AKT3: variants seen among roughly 807,000 people sequenced by gnomAD.
AKT3 encodes RAC-gamma serine/threonine-protein kinase.
A neutral mutation model predicts 65.3 loss-of-function variants in AKT3; 15 were observed. The observed-to-expected ratio is 0.23, with a 90% CI of 0.15 to 0.35. The LOEUF is 0.35. Ranked by LOEUF, AKT3 falls within the 10% of genes least tolerant of loss-of-function variation. The probability of loss-of-function intolerance (pLI) is 1.00; values close to 1 mark genes in which losing one functional copy is unlikely to be tolerated. For missense variants in AKT3, 243 were observed against 576.5 expected (o/e 0.42, Z 5.92); for synonymous variants, 206 against 183.8 (o/e 1.12, Z -0.98).
rs889098939 is a variant in AKT3, at chr1:243,532,086, C to A, written c.1251+13424G>T. 2.6e-5 allele frequency among the ~76,000 whole-genome samples: 4 copies of A among 152,128 alleles called. No individual in the cohort carries two copies. In the South Asian group the frequency reaches 8.3e-4, roughly 32 times the overall value. On this transcript the variant is annotated intron_variant, in intron 12 of 13. Transcript: ENST00000673466. The stretch of plus-strand genomic sequence containing the variant: ...TAGGGGTAGTTTTATTTCTTCCTTG[C>A]AAATTTGATTGCTTTTTATTTCTCT...
At chr1:243,734,782 TA>T (rs1414088533) in intron 2 of AKT3, among the ~76,000 whole-genome samples, 1 of 152,250 alleles carries the variant, frequency 6.6e-6, no homozygotes, top group Non-Finnish European at 1.5e-5. Context: ...ATAAACTGTT[TA>T]ATTTTGTAGC....
chr1:243,718,049 C>A (rs1287029119), intron 2 of AKT3, among the ~76,000 whole-genome samples: 1 of 152,198 alleles, frequency 6.6e-6, no homozygotes, highest in African/African-American at 2.4e-5. Context: ...AAGAGAGCTA[C>A]ATTCATTTTA....
At chr1:243,809,157 A>G (rs1692954303) in intron 2 of AKT3, among the ~76,000 whole-genome samples, 2 of 152,228 alleles carry the variant, frequency 1.3e-5, no homozygotes, top group Non-Finnish European at 2.9e-5. Flanking sequence ...CATCATAATG[A>G]CAGGATCAAA....
At chr1:243,493,985 G>A (rs1667202595) in intron 13 of AKT3, among the ~76,000 whole-genome samples, 1 of 152,098 alleles carries the variant, frequency 6.6e-6, no homozygotes, top group South Asian at 2.1e-4. Context: ...GGCTGCCCAT[G>A]TTAGGCCTTG....
intron 9 of AKT3, among the ~76,000 whole-genome samples, chr1:243,572,299 A>G (rs2148505463): frequency 6.6e-6 from 1 of 152,274 alleles, no homozygotes; most frequent in South Asian, 2.1e-4. Context: ...TTTACCCTAC[A>G]ATGATGGAGT....
intron 2 of AKT3, among the ~76,000 whole-genome samples, chr1:243,720,759 A>T (rs1264978749): frequency 1.3e-5 from 2 of 152,174 alleles, no homozygotes; most frequent in Non-Finnish European, 2.9e-5. Flanking sequence ...AAATGCAATA[A>T]TCTCTTGTCC....
intron 2 of AKT3, among the ~76,000 whole-genome samples, chr1:243,820,734 A>C (rs1230081855): frequency 1.3e-5 from 2 of 152,188 alleles, no homozygotes; most frequent in Non-Finnish European, 2.9e-5. Context: ...AGATTAGAGA[A>C]AAAGGAATGA....
intron 12 of AKT3, among the ~76,000 whole-genome samples, chr1:243,532,119 C>T (rs756109916): frequency 4.6e-5 from 7 of 152,134 alleles, no homozygotes; most frequent in Non-Finnish European, 1.5e-5. Context: ...TCTTATTTAA[C>T]TCCTCTGGCT....
At chr1:243,761,307 G>A (rs868433161) in intron 2 of AKT3, among the ~76,000 whole-genome samples, 4 of 152,028 alleles carry the variant, frequency 2.6e-5, no homozygotes, top group African/African-American at 9.7e-5. Flanking sequence ...TGAAAAATAC[G>A]ATGTCCAAAA....
chr1:243,782,561 T>C (rs1004451794), intron 2 of AKT3, among the ~76,000 whole-genome samples: 1 of 152,200 alleles, frequency 6.6e-6, no homozygotes, highest in Admixed American at 6.5e-5. Flanking sequence ...AACACTATCA[T>C]ATCCGGGATT....
rs554012099 is a variant in AKT3 at position 243,707,624 on chromosome 1, A to C, written c.47-11908T>G. ...TTATTCTGGGTTTTTTTAATTTTAG[A>C]TTCAGAAGGTACATGTGCAGGTTTG... On this transcript the variant is annotated intron_variant, in intron 2 of 13. Coordinates refer to ENST00000673466, the MANE Select transcript of AKT3 (RefSeq NM_005465.7). Among the ~76,000 whole-genome samples the C allele has an allele frequency of 8.5e-5, 13 of 152,272 alleles. 1 individual carries two copies. The South Asian group carries it at 2.7e-3, about 32-fold the overall frequency.
At chr1:243,733,838 GAC>G (rs1187201960) in intron 2 of AKT3, among the ~76,000 whole-genome samples, 5 of 152,184 alleles carry the variant, frequency 3.3e-5, no homozygotes, top group South Asian at 4.1e-4. Flanking sequence ...TGGAAAAAAT[GAC>G]ACAGATAGAC....
intron 2 of AKT3, among the ~76,000 whole-genome samples, chr1:243,817,552 C>G (rs1469460445): frequency 1.3e-5 from 2 of 151,996 alleles, no homozygotes; most frequent in Admixed American, 1.3e-4. Context: ...ACCAGCCTGG[C>G]CAACATGGTG....
At position 243,620,466 on chromosome 1, in the gene AKT3, C is replaced by T. The variant is rs1272789347; in HGVS notation, c.562-5305G>A. On this transcript the variant is annotated intron_variant, in intron 6 of 13. Coordinates refer to ENST00000673466, the MANE Select transcript of AKT3 (RefSeq NM_005465.7). ...CTTTTACAAATTAAACAATGATTAC[C>T]AGTGATTATTATTTACTTTTCCACT... Among the ~76,000 whole-genome samples the T allele has an allele frequency of 2.6e-5, 4 of 151,688 alleles. 1 individual carries two copies. Among genetic ancestry groups the T allele is most frequent in the Non-Finnish European group, 5.9e-5 (4 of 67,888 alleles).
At chr1:243,678,756 CT>C (rs1321182778) in intron 3 of AKT3, among the ~76,000 whole-genome samples, 1 of 152,136 alleles carries the variant, frequency 6.6e-6, no homozygotes, top group African/African-American at 2.4e-5. Context: ...ATTCATGTCT[CT>C]TTTTGTATCA....
intron 3 of AKT3, among the ~76,000 whole-genome samples, chr1:243,666,889 G>C (rs1682820927): frequency 1.3e-5 from 2 of 152,100 alleles, no homozygotes; most frequent in African/African-American, 4.8e-5. Flanking sequence ...GACATGATGA[G>C]ATGAGAAAAC....
In AKT3 at chr1:243,500,741, CCT is replaced by C. The variant is rs1474374734; in HGVS notation, c.*4506_*4507del. 40 of 229,446 alleles carry C rather than the reference CCT, an allele frequency of 1.7e-4. No homozygotes were observed. The highest frequency in any genetic ancestry group is 2.6e-3 in the Middle Eastern group (2 of 774). 14.2% of individuals were successfully genotyped at this position (229,446 alleles called of 1,614,324 possible). On this transcript the variant is annotated 3_prime_UTR_variant, in exon 14 of 14. Coordinates refer to ENST00000673466, the MANE Select transcript of AKT3 (RefSeq NM_005465.7). ...TGATGTCACCATATGCTCAGCCTTGCCTCTCAGAAGTGATGTGGATTAGGCTT... is the reference window on the plus strand; with the variant it reads ...TGATGTCACCATATGCTCAGCCTTGCCTCAGAAGTGATGTGGATTAGGCTT...
intron 2 of AKT3, among the ~76,000 whole-genome samples, chr1:243,761,070 CA>C (rs1558786947): frequency 6.6e-6 from 1 of 152,138 alleles, no homozygotes; most frequent in Non-Finnish European, 1.5e-5. Flanking sequence ...ACATAACTAA[CA>C]TGAATAATAA....
chr1:243,815,909 G>A lies in AKT3; in HGVS notation c.46+27216C>T, dbSNP rs117289348. On this transcript the variant is annotated intron_variant, in intron 2 of 13. Coordinates refer to ENST00000673466, the MANE Select transcript of AKT3 (RefSeq NM_005465.7). Reference sequence around the variant, plus strand: ...TGGGATTACAGCTGTGTGCCACCGTGCCCTGCTCAAAATCTCTATTATCTA... The same window carrying A: ...TGGGATTACAGCTGTGTGCCACCGTACCCTGCTCAAAATCTCTATTATCTA... Among the ~76,000 whole-genome samples, 55 of 152,112 alleles carry A rather than the reference G, an allele frequency of 3.6e-4. No individual in the cohort carries two copies. The East Asian group carries it at 0.01, about 28-fold the overall frequency.
Sources: gnomAD v4.1 joint callset for allele counts (sites outside exome capture counted in the v4.1 genomes callset) on GRCh38, gnomAD v4.1.1 for gene constraint, MANE v1.5 for transcripts, NCBI Gene and HGNC (gene_info 2026-07-23, HGNC 2026-07-21) for gene names.